The following CELA2B variants were observed in gnomAD, a reference collection of about 807,000 sequenced individuals.
The protein encoded by CELA2B is chymotrypsin-like elastase family member 2B.
In CELA2B, 27 loss-of-function variants were observed where a neutral mutation model predicts 36.5. That is an observed-to-expected ratio of 0.74 (90% CI 0.55 to 1.02). CELA2B has a LOEUF of 1.02. CELA2B is among the 50% of genes least tolerant of loss of function. The pLI is 0.00. For synonymous variants in CELA2B, 143 were observed against 148.5 expected, an observed-to-expected ratio of 0.96 and a Z score of 0.27; for missense variants, 340 against 347.8, an observed-to-expected ratio of 0.98 and a Z score of 0.18.
intron 3 of CELA2B, chr1:15,481,676 C>G (rs750933419): frequency 2.1e-5 from 10 of 471,640 alleles, no homozygotes; most frequent in Non-Finnish European, 4.4e-5. Flanking sequence ...GGTTCTGCAA[C>G]GTTGTTCACT....
chr1:15,486,152 G>C, intron 6 of CELA2B, 106 bp downstream of exon 6: 1 of 1,409,722 alleles, frequency 7.1e-7, no homozygotes, highest in Non-Finnish European at 9.7e-7. Context: ...CGACCTCCTG[G>C]CAGAAGCACC....
At chr1:15,486,713 C>T (rs568519054) in intron 6 of CELA2B, among the ~76,000 whole-genome samples, 88 of 152,318 alleles carry the variant, frequency 5.8e-4, no homozygotes, top group African/African-American at 2.0e-3. Flanking sequence ...TCATCAATGG[C>T]GCAGTGTGTC....
intron 2 of CELA2B, among the ~76,000 whole-genome samples, chr1:15,478,207 T>C (rs910283123): frequency 5.8e-5 from 6 of 104,162 alleles, no homozygotes; most frequent in Non-Finnish European, 7.5e-5. Context: ...GAGGCATATA[T>C]ATATATATAT....
chr1:15,479,613 A>C (rs1374220788), intron 2 of CELA2B, among the ~76,000 whole-genome samples: 1 of 152,200 alleles, frequency 6.6e-6, no homozygotes, highest in East Asian at 1.9e-4. Context: ...AACACGCCGG[A>C]AAACGAAAGA....
chr1:15,488,429 A>T (rs1189301779), intron 7 of CELA2B, among the ~76,000 whole-genome samples: 2 of 152,208 alleles, frequency 1.3e-5, no homozygotes, highest in African/African-American at 4.8e-5. Context: ...ATTAAGGAGC[A>T]GCCATGGATA....
At chr1:15,476,849 G>A (rs1354683892) in intron 2 of CELA2B, among the ~76,000 whole-genome samples, 2 of 152,142 alleles carry the variant, frequency 1.3e-5, no homozygotes, top group East Asian at 3.9e-4. Context: ...AAGCACAGTG[G>A]CACACGCCTG....
At position 15,486,029 on chromosome 1, in the gene CELA2B, G is replaced by A. The variant is rs534649662; in HGVS notation, c.622G>A (p.Val208Met). ...TNMICAGGDG[V>M]ICTCNGDSGG... ...TATGATCTGTGCTGGGGGTGATGGC[G>A]TGATATGCACCTGCAACGTGAGTAC... is the stretch of plus-strand genomic sequence containing the variant. Residue 208 changes from valine to methionine, a missense_variant, in exon 6 of 8, where the codon GTG (valine) becomes ATG (methionine). Coordinates refer to ENST00000375910, the MANE Select transcript of CELA2B (RefSeq NM_015849.3). 4.4e-5 allele frequency: 71 copies of A among 1,613,806 alleles called. No homozygotes were observed. The South Asian group carries it at 6.2e-4, about 14-fold the overall frequency.
chr1:15,486,857 G>A (rs1476248843), intron 6 of CELA2B, among the ~76,000 whole-genome samples: 2 of 152,168 alleles, frequency 1.3e-5, no homozygotes, highest in African/African-American at 4.8e-5. Context: ...ATCACACTGT[G>A]CCCTACACAC....
chr1:15,480,337 G>A lies in CELA2B; in HGVS notation c.130-761G>A, dbSNP rs148394171. On this transcript the variant is annotated intron_variant, in intron 2 of 7. Transcript: ENST00000375910. ...CAATCCTCCCATCTCAGCCTCCTGA[G>A]TAGCTGGGACTACAGGCATGCACCA... 2.3e-4 allele frequency among the ~76,000 whole-genome samples: 35 copies of A among 152,270 alleles called. No homozygotes were observed. In the East Asian group the frequency reaches 6.8e-3, roughly 29 times the overall value.
chr1:15,490,153 C>T (rs1465645919), intron 7 of CELA2B, among the ~76,000 whole-genome samples: 1 of 152,144 alleles, frequency 6.6e-6, no homozygotes, highest in African/African-American at 2.4e-5. Context: ...GGATTACAAG[C>T]GTGAGCCACT....
At chr1:15,489,330 C>T (rs544850386) in intron 7 of CELA2B, among the ~76,000 whole-genome samples, 37 of 152,236 alleles carry the variant, frequency 2.4e-4, no homozygotes, top group African/African-American at 8.9e-4. Flanking sequence ...CAGGGATCCA[C>T]GGGGCAGCAC....
At chr1:15,480,228 C>T (rs1452173349) in intron 2 of CELA2B, among the ~76,000 whole-genome samples, 3 of 152,022 alleles carry the variant, frequency 2.0e-5, no homozygotes, top group Non-Finnish European at 4.4e-5. Flanking sequence ...CAGGACATCC[C>T]CTGTGGAGAC....
intron 5 of CELA2B, 65 bp from the exon 6 acceptor site, chr1:15,485,836 G>T: frequency 6.3e-7 from 1 of 1,588,612 alleles, no homozygotes; most frequent in Non-Finnish European, 8.6e-7. Context: ...TCCAGTAGGG[G>T]TCCACCACTT....
chr1:15,479,554 A>G (rs527341333), intron 2 of CELA2B, among the ~76,000 whole-genome samples: 1 of 152,342 alleles, frequency 6.6e-6, no homozygotes, highest in East Asian at 1.9e-4. Context: ...TCAAAAAATA[A>G]AATAAATAAA....
rs746271233 is a variant in CELA2B at position 15,485,993 on chromosome 1, G to A, written c.586G>A (p.Val196Met). 2.7e-5 allele frequency: 43 copies of A among 1,614,096 alleles called. No individual in the cohort carries two copies. The highest frequency in any genetic ancestry group is 6.7e-5 in the East Asian group (3 of 44,898). Residue 196 changes from valine (V) to methionine (M), a missense_variant, in exon 6 of 8, where the codon GTG (valine) becomes ATG (methionine). By Grantham distance (21) the Val-to-Met change is conservative. Coordinates refer to ENST00000375910, the MANE Select transcript of CELA2B (RefSeq NM_015849.3). Reference protein sequence around the residue: ...CSSSGWWGSTVKTNMICAGGD... With the variant: ...CSSSGWWGSTMKTNMICAGGD... Reference sequence around the variant, plus strand: ...CAGCTCTGGCTGGTGGGGCAGCACCGTGAAGACGAATATGATCTGTGCTGG... The same window carrying A: ...CAGCTCTGGCTGGTGGGGCAGCACCATGAAGACGAATATGATCTGTGCTGG...
chr1:15,486,345 G>A (rs1391160517), intron 6 of CELA2B, among the ~76,000 whole-genome samples: 1 of 152,192 alleles, frequency 6.6e-6, no homozygotes, highest in Non-Finnish European at 1.5e-5. Flanking sequence ...CAGGCATGGT[G>A]GTGGGTGCCT....
At chr1:15,480,011 T>C (rs1247816957) in intron 2 of CELA2B, among the ~76,000 whole-genome samples, 1 of 152,054 alleles carries the variant, frequency 6.6e-6, no homozygotes, top group East Asian at 1.9e-4. Context: ...GGGGAGCCAC[T>C]GGAGAGTCTG....
chr1:15,487,631 T>A (rs1422847615), intron 7 of CELA2B, among the ~76,000 whole-genome samples, 194 bp downstream of exon 7: 1 of 152,222 alleles, frequency 6.6e-6, no homozygotes, highest in Non-Finnish European at 1.5e-5. Context: ...TGGGTAAAGC[T>A]GAGTGAAAAG....
At position 15,489,758 on chromosome 1, in the gene CELA2B, G is replaced by C. The variant is rs190966986; in HGVS notation, c.793-1537G>C. Among the ~76,000 whole-genome samples, 543 of 152,266 alleles carry C rather than the reference G, an allele frequency of 3.6e-3. 5 individuals are homozygous for C. Among genetic ancestry groups the C allele is most frequent in the African/African-American group, 0.012 (518 of 41,548 alleles). ...CTTAGTTTTTATTCTTTTTCCAGAA[G>C]GTAATACATACTCTTTGTAAAAATA... On this transcript the variant is annotated intron_variant, in intron 7 of 7. Transcript: ENST00000375910.
Sources: allele counts gnomAD v4.1 joint callset (sites outside exome capture counted in the v4.1 genomes callset), GRCh38; gene constraint gnomAD v4.1.1; transcripts MANE v1.5; gene names NCBI Gene and HGNC (gene_info 2026-07-23, HGNC 2026-07-21).